The following ABHD5 variants were observed in gnomAD, a reference collection of about 807,000 sequenced individuals.
ABHD5 encodes abhydrolase domain containing 5, lysophosphatidic acid acyltransferase, also known as 1-acylglycerol-3-phosphate O-acyltransferase ABHD5.
A neutral mutation model predicts 44.9 loss-of-function variants in ABHD5; 30 were observed. The ratio of observed to expected loss-of-function variants is 0.67; its 90% CI spans 0.50 to 0.91. The LOEUF is 0.91. ABHD5 is among the 40% of genes least tolerant of loss of function. The pLI, the probability that ABHD5 is intolerant of heterozygous loss-of-function variation, is 0.00. For missense variants in ABHD5, 399 were observed against 423.4 expected, an observed-to-expected ratio of 0.94 and a Z score of 0.50; for synonymous variants, 167 against 147.0, an observed-to-expected ratio of 1.14 and a Z score of -0.99.
intron 4 of ABHD5, among the ~76,000 whole-genome samples, chr3:43,712,748 C>T (rs1465088548): frequency 3.3e-5 from 5 of 152,044 alleles, no homozygotes; most frequent in African/African-American, 7.2e-5. Context: ...TTTTTCCTCA[C>T]GGTGGTTTGA....
Position 43,699,180 on chromosome 3 carries a change from A to G in ABHD5, c.48-96A>G, listed in dbSNP as rs145061167. 2.3e-4 allele frequency: 251 copies of G among 1,079,700 alleles called. No homozygotes were observed. The East Asian group carries it at 5.2e-3, about 22-fold the overall frequency. The allele number at this position is 1,079,700 out of a possible 1,614,324, so 66.9% of individuals were successfully genotyped here. On this transcript the variant is annotated intron_variant, in intron 1 of 6. Coordinates refer to ENST00000644371, the MANE Select transcript of ABHD5 (RefSeq NM_016006.6). The stretch of plus-strand genomic sequence containing the variant: ...ATAGCTTTACCATCACACAGGTAGT[A>G]AATTTCCTGTGCTGCCTTTCTTCTG...
Position 43,718,446 on chromosome 3 carries a change from A to G in ABHD5, c.964A>G (p.Ile322Val), listed in dbSNP as rs776059930. The G allele has an allele frequency of 5.6e-6, 9 of 1,613,972 alleles. No individual in the cohort carries two copies. Among genetic ancestry groups the G allele is most frequent in the Middle Eastern group, 3.3e-4 (2 of 6,058 alleles). ...CTGAATGCTTTTCCTTATCCAGGCT[A>G]TTCTTGGGGCAGGACATTATGTATA... is the stretch of plus-strand genomic sequence containing the variant. ...RPHSYVKTIA[I>V]LGAGHYVYAD... Residue 322 changes from isoleucine (I) to valine (V), a missense_variant, in exon 7 of 7, where the codon ATT becomes GTT. By Grantham distance (29) the Ile-to-Val change is conservative (BLOSUM62 3). Transcript: ENST00000644371.
chr3:43,715,294 G>T (rs776604126), intron 5 of ABHD5, among the ~76,000 whole-genome samples: 6 of 152,094 alleles, frequency 3.9e-5, no homozygotes, highest in Non-Finnish European at 7.4e-5. Flanking sequence ...CTGAGTAGCT[G>T]GGATTACAGG....
intron 4 of ABHD5, among the ~76,000 whole-genome samples, chr3:43,713,556 A>G (rs564195500): frequency 4.6e-5 from 7 of 152,010 alleles, no homozygotes; most frequent in Admixed American, 1.3e-4. Flanking sequence ...TGGGGGTTGA[A>G]TTGGTGACCA....
intron 2 of ABHD5, among the ~76,000 whole-genome samples, chr3:43,700,509 T>A (rs1283051505): frequency 6.6e-6 from 1 of 152,208 alleles, no homozygotes; most frequent in Non-Finnish European, 1.5e-5. Context: ...TGCATTTGAA[T>A]GATTCAGGAG....
At position 43,711,812 on chromosome 3, in the gene ABHD5, G is replaced by A; in HGVS notation, c.610G>A (p.Ala204Thr). The A allele has an allele frequency of 6.2e-7, 1 of 1,614,226 alleles. No homozygotes were observed. The highest frequency in any genetic ancestry group is 8.5e-7 in the Non-Finnish European group (1 of 1,180,030). ...AGTTTGGATCAGAGCCTTGGGAGCA[G>A]CATTGACTCCCTTTAACCCTTTAGC... ...IPVWIRALGAALTPFNPLAGL... is the reference protein window; with the variant it reads ...IPVWIRALGATLTPFNPLAGL... The change falls in exon 4 of 7, where the codon GCA becomes ACA. Residue 204 changes from alanine (A) to threonine (T), a missense_variant. Ala to Thr is a moderately conservative substitution (Grantham distance 58). Coordinates refer to ENST00000644371, the MANE Select transcript of ABHD5 (RefSeq NM_016006.6).
chr3:43,731,077 C>T (rs1443679398), intron 7 of ABHD5, among the ~76,000 whole-genome samples: 6 of 152,076 alleles, frequency 3.9e-5, no homozygotes, highest in African/African-American at 9.7e-5. Flanking sequence ...ATCCACCTGC[C>T]TCGGCCTCCC....
At chr3:43,713,933 C>T (rs1309852091) in intron 4 of ABHD5, among the ~76,000 whole-genome samples, 2 of 151,620 alleles carry the variant, frequency 1.3e-5, no homozygotes, top group Admixed American at 6.6e-5. Flanking sequence ...TATAATTCAT[C>T]AGAGATGGGA....
At chr3:43,701,183 G>A (rs184619560) in intron 2 of ABHD5, among the ~76,000 whole-genome samples, 16 of 152,298 alleles carry the variant, frequency 1.1e-4, no homozygotes, top group African/African-American at 2.9e-4. Flanking sequence ...ATACACAGAC[G>A]TATGTGTTCA....
chr3:43,730,268 G>C (rs2149612892), intron 7 of ABHD5, among the ~76,000 whole-genome samples: 1 of 152,336 alleles, frequency 6.6e-6, no homozygotes. Flanking sequence ...CTGCCAACTA[G>C]TTCACACCAG....
intron 1 of ABHD5, among the ~76,000 whole-genome samples, chr3:43,698,024 G>A (rs1054432652): frequency 6.6e-6 from 1 of 152,186 alleles, no homozygotes; most frequent in Non-Finnish European, 1.5e-5. Context: ...CCTGTTATAC[G>A]TAATATCCAG....
chr3:43,714,641 C>T (rs1443397586), intron 4 of ABHD5, among the ~76,000 whole-genome samples: 3 of 152,116 alleles, frequency 2.0e-5, no homozygotes, highest in Admixed American at 6.5e-5. Context: ...CTACTCGCCA[C>T]GTTTAAAGAA....
intron 7 of ABHD5, among the ~76,000 whole-genome samples, chr3:43,729,220 G>C (rs2084897797): frequency 6.6e-6 from 1 of 152,154 alleles, no homozygotes; most frequent in Admixed American, 6.5e-5. Flanking sequence ...ATATACGATG[G>C]GGAGCTTGAT....
At chr3:43,733,242 T>C (rs1437762913) in intron 7 of ABHD5, among the ~76,000 whole-genome samples, 1 of 152,148 alleles carries the variant, frequency 6.6e-6, no homozygotes, top group East Asian at 1.9e-4. Context: ...ACTACCACAC[T>C]CATTCATAAT....
chr3:43,732,304 C>T (rs1298919712), intron 7 of ABHD5, among the ~76,000 whole-genome samples: 1 of 152,022 alleles, frequency 6.6e-6, no homozygotes, highest in African/African-American at 2.4e-5. Context: ...GTGGCACGTG[C>T]CTGTAATTCC....
At chr3:43,729,149 A>G (rs1040422761) in intron 7 of ABHD5, among the ~76,000 whole-genome samples, 6 of 152,222 alleles carry the variant, frequency 3.9e-5, no homozygotes, top group Non-Finnish European at 8.8e-5. Flanking sequence ...TCTCTTCCCC[A>G]GAAAGGACTG....
Position 43,718,527 on chromosome 3 carries a change from G to T in ABHD5, c.1045G>T (p.Asp349Tyr). ...QKVKEICDTV[D>Y] ...AGTAAAGGAGATCTGCGACACTGTG[G>T]ACTGAACACACTGAAGCTCTGATGG... Residue 349 changes from aspartate to tyrosine, a missense_variant, in exon 7 of 7, where the codon GAC (aspartate) becomes TAC (tyrosine). Physicochemically the swap from Asp to Tyr is radical, Grantham distance 160 (BLOSUM62 -3). Coordinates refer to ENST00000644371, the MANE Select transcript of ABHD5 (RefSeq NM_016006.6). 1 of 1,613,994 alleles carries T rather than the reference G, an allele frequency of 6.2e-7. No homozygotes were observed. The highest frequency in any genetic ancestry group is 1.1e-5 in the South Asian group (1 of 91,076).
At chr3:43,703,109 C>T (rs544388360) in intron 3 of ABHD5, among the ~76,000 whole-genome samples, 1 of 152,100 alleles carries the variant, frequency 6.6e-6, no homozygotes, top group African/African-American at 2.4e-5. Context: ...ATACCCTAAC[C>T]TTTCTCATTA....
At chr3:43,695,697 C>T (rs1655811765) in intron 1 of ABHD5, among the ~76,000 whole-genome samples, 1 of 152,070 alleles carries the variant, frequency 6.6e-6, no homozygotes, top group Non-Finnish European at 1.5e-5. Context: ...CAGAGATTAC[C>T]AGGAAACTTA....
Sources: allele counts gnomAD v4.1 joint callset (sites outside exome capture counted in the v4.1 genomes callset), GRCh38; gene constraint gnomAD v4.1.1; transcripts MANE v1.5; gene names NCBI Gene and HGNC (gene_info 2026-07-23, HGNC 2026-07-21).